FAM185A: variants seen among roughly 807,000 people sequenced by gnomAD.
The protein encoded by FAM185A is family with sequence similarity 185 member A, also known as protein FAM185A.
FAM185A carries 21 observed loss-of-function variants against 45.7 expected under a neutral mutation model. The ratio of observed to expected loss-of-function variants is 0.46; its 90% CI spans 0.33 to 0.66. FAM185A has a LOEUF of 0.66. FAM185A is among the 30% of genes least tolerant of loss of function. The pLI is 0.03. For missense variants in FAM185A, 305 were observed against 485.4 expected (o/e 0.63, Z 3.49); for synonymous variants, 117 against 194.0 (o/e 0.60, Z 3.30).
the FAM185A span, among the ~76,000 whole-genome samples, chr7:102,836,365 C>T: frequency 2.6e-5 from 4 of 152,252 alleles, no homozygotes; most frequent in Admixed American, 1.3e-4. Flanking sequence ...TTCCTTTAAA[C>T]ACATATAAGT....
the FAM185A span, among the ~76,000 whole-genome samples, chr7:102,819,378 A>G: frequency 6.6e-6 from 1 of 152,126 alleles, no homozygotes; most frequent in Admixed American, 6.5e-5. Context: ...TGGGGTTGGT[A>G]GAATGCCAGC....
At chr7:102,754,362 G>A (rs1258803953) in intron 2 of FAM185A, among the ~76,000 whole-genome samples, 4 of 152,238 alleles carry the variant, frequency 2.6e-5, no homozygotes, top group African/African-American at 9.6e-5. Context: ...TATCATGCTC[G>A]GCTAATTTTG....
chr7:102,761,725 G>A (rs1351657199), intron 4 of FAM185A, among the ~76,000 whole-genome samples: 5 of 151,754 alleles, frequency 3.3e-5, no homozygotes, highest in South Asian at 2.1e-4. Flanking sequence ...GTGCAGTGGC[G>A]TGACACTGGC....
At chr7:102,841,024 G>T in the FAM185A span, among the ~76,000 whole-genome samples, 1,287 of 152,236 alleles carry the variant, frequency 8.5e-3, 21 homozygotes, top group African/African-American at 0.03. Flanking sequence ...GATAGGGAGG[G>T]TTATTACAAA....
At chr7:102,822,150 A>G in the FAM185A span, 1 of 1,614,106 alleles carries the variant, frequency 6.2e-7, no homozygotes, top group Non-Finnish European at 8.5e-7. Context: ...AGATATCCAA[A>G]ATGTGCAGGT....
chr7:102,832,986 T>G, the FAM185A span: 1 of 1,613,912 alleles, frequency 6.2e-7, no homozygotes, highest in South Asian at 1.1e-5. Flanking sequence ...TGCAAAAAAT[T>G]CCAAGGTCAA....
chr7:102,765,680 T>C (rs536562540), intron 4 of FAM185A, among the ~76,000 whole-genome samples: 1 of 152,356 alleles, frequency 6.6e-6, no homozygotes, highest in Admixed American at 6.5e-5. Flanking sequence ...TAGCTAACTA[T>C]ATTTTATATG....
chr7:102,800,732 A>T (rs902726025), intron 7 of FAM185A, among the ~76,000 whole-genome samples: 2 of 152,096 alleles, frequency 1.3e-5, no homozygotes, highest in Non-Finnish European at 2.9e-5. Flanking sequence ...GACATCTGGG[A>T]GTATGTTAAA....
At chr7:102,826,720 G>GTC in the FAM185A span, among the ~76,000 whole-genome samples, 736 of 71,652 alleles carry the variant, frequency 0.01, 33 homozygotes, top group African/African-American at 0.032. Flanking sequence ...GTGAGACCCT[G>GTC]TCTCATATAT....
intron 5 of FAM185A, among the ~76,000 whole-genome samples, chr7:102,776,713 A>AAAAAAAAG (rs1795091308): frequency 1.5e-5 from 2 of 137,734 alleles, no homozygotes; most frequent in Non-Finnish European, 3.3e-5. Context: ...AAAAAAAAAA[A>AAAAAAAAG]AAAAAAGAAA....
intron 7 of FAM185A, among the ~76,000 whole-genome samples, chr7:102,795,046 T>C (rs909511012): frequency 4.6e-5 from 7 of 152,212 alleles, no homozygotes; most frequent in Admixed American, 1.3e-4. Flanking sequence ...GGGACTTCCT[T>C]TGTAGTGACA....
chr7:102,761,496 A>G (rs1794102471), intron 4 of FAM185A, 85 bp downstream of exon 4: 2 of 1,192,384 alleles, frequency 1.7e-6, no homozygotes, highest in South Asian at 5.1e-5. Flanking sequence ...AAAAAGGATC[A>G]GGAAACTGGC....
At chr7:102,840,672 A>T in the FAM185A span, among the ~76,000 whole-genome samples, 1 of 152,124 alleles carries the variant, frequency 6.6e-6, no homozygotes, top group African/African-American at 2.4e-5. Context: ...TTCACCTCCC[A>T]TTTGCGGACA....
chr7:102,831,431 A>ACACACCCCCCC, the FAM185A span, among the ~76,000 whole-genome samples: 25 of 147,126 alleles, frequency 1.7e-4, no homozygotes, highest in African/African-American at 5.7e-4. Flanking sequence ...ACACACACAC[A>ACACACCCCCCC]CCCCACTACA....
At chr7:102,824,777 TGCCCG>T in the FAM185A span, among the ~76,000 whole-genome samples, 1 of 145,638 alleles carries the variant, frequency 6.9e-6, no homozygotes, top group African/African-American at 2.6e-5. Context: ...TGAGCCACCA[TGCCCG>T]GCCTTTTTTT....
chr7:102,812,929 G>A (rs192194525), downstream of FAM185A, among the ~76,000 whole-genome samples: 21 of 144,878 alleles, frequency 1.4e-4, no homozygotes, highest in African/African-American at 4.4e-4. Flanking sequence ...TGCAACCTCC[G>A]CCTCTCAGGT....
the FAM185A span, among the ~76,000 whole-genome samples, chr7:102,825,665 T>C: frequency 2.0e-5 from 3 of 152,274 alleles, no homozygotes; most frequent in East Asian, 1.9e-4. Context: ...CTATCTACAA[T>C]ATAAGGACCA....
intron 5 of FAM185A, among the ~76,000 whole-genome samples, chr7:102,772,780 T>C (rs907381511): frequency 2.0e-5 from 3 of 151,526 alleles, no homozygotes; most frequent in Non-Finnish European, 3.0e-5. Context: ...TCACTGTTTA[T>C]TGGGCTCCAA....
chr7:102,770,722 G>A (rs1335042098), intron 4 of FAM185A, among the ~76,000 whole-genome samples: 2 of 152,166 alleles, frequency 1.3e-5, no homozygotes, highest in Admixed American at 6.5e-5. Context: ...CGCTGGCGAG[G>A]CTGTGGAGAA....
Sources: gnomAD v4.1 joint callset for allele counts (sites outside exome capture counted in the v4.1 genomes callset) on GRCh38, gnomAD v4.1.1 for gene constraint, MANE v1.5 for transcripts, NCBI Gene and HGNC (gene_info 2026-07-23, HGNC 2026-07-21) for gene names.